The following SAMD8 variants were observed in gnomAD, a reference collection of about 807,000 sequenced individuals.
SAMD8 encodes sphingomyelin synthase-related protein 1.
In SAMD8, 20 loss-of-function variants were observed where a neutral mutation model predicts 42.0. The observed-to-expected ratio is 0.48, with a 90% confidence interval of 0.34 to 0.69. The LOEUF is 0.69. Among genes scored for constraint, SAMD8 ranks in the 30% least tolerant of loss-of-function variants. The pLI is 0.01. For synonymous variants in SAMD8, 162 were observed against 173.0 expected (o/e 0.94, Z 0.50); for missense variants, 328 against 511.6 (o/e 0.64, Z 3.46).
upstream of SAMD8, chr10:75,111,361 C>T (rs1589926742): frequency 3.9e-6 from 2 of 515,976 alleles, no homozygotes. Context: ...CGCATGCGCC[C>T]TCGGGCTCCT....
At chr10:75,103,948 G>A in intron 1 of SAMD8, 1 of 1,324,380 alleles carries the variant, frequency 7.6e-7, no homozygotes, top group Non-Finnish European at 1.0e-6. Context: ...GGAGGAGCCA[G>A]ATGGAGTAGC....
At chr10:75,164,340 A>G (rs181989022) in intron 2 of SAMD8, 2 of 168,612 alleles carry the variant, frequency 1.2e-5, no homozygotes, top group Non-Finnish European at 2.4e-5. Context: ...GTAGTCCTAT[A>G]TCCAGATCTG....
At chr10:75,142,454 T>A (rs975531852) in intron 1 of SAMD8, among the ~76,000 whole-genome samples, 2 of 152,164 alleles carry the variant, frequency 1.3e-5, no homozygotes, top group African/African-American at 4.8e-5. Context: ...TATCTTTTTT[T>A]TGAGACGAAG....
chr10:75,150,237 A>G (rs545386500), intron 1 of SAMD8: 9 of 156,478 alleles, frequency 5.8e-5, no homozygotes, highest in Admixed American at 6.6e-5. Context: ...TCAGCCTGCC[A>G]GGTAGCTGAG....
chr10:75,137,448 G>T (rs1839915292), intron 1 of SAMD8, among the ~76,000 whole-genome samples: 1 of 151,890 alleles, frequency 6.6e-6, no homozygotes, highest in African/African-American at 2.4e-5. Flanking sequence ...GCTGAGGCAG[G>T]AGAATTGCTT....
intron 1 of SAMD8, among the ~76,000 whole-genome samples, chr10:75,119,062 T>A (rs779976934): frequency 3.3e-5 from 5 of 152,260 alleles, no homozygotes; most frequent in Non-Finnish European, 5.9e-5. Flanking sequence ...CCTCAGTGTT[T>A]ATCTTGGGAT....
At chr10:75,160,448 C>T (rs547219339) in intron 2 of SAMD8, among the ~76,000 whole-genome samples, 25 of 152,026 alleles carry the variant, frequency 1.6e-4, no homozygotes, top group Non-Finnish European at 3.1e-4. Flanking sequence ...CCTTGTGATC[C>T]GCCCACCTTG....
chr10:75,101,958 G>C (rs553162038), intron 1 of SAMD8: 1 of 1,367,512 alleles, frequency 7.3e-7, no homozygotes, highest in African/African-American at 1.5e-5. Flanking sequence ...ACTTGATGCT[G>C]TTTCTATTTT....
chr10:75,168,552 T>A lies in SAMD8; in HGVS notation c.686T>A (p.Leu229Gln), dbSNP rs1840748638. 2.5e-6 allele frequency: 4 copies of A among 1,613,554 alleles called. No homozygotes were observed. Among genetic ancestry groups the A allele is most frequent in the Non-Finnish European group, 2.5e-6 (3 of 1,179,514 alleles). ...LLLHKHRSIL[L>Q]RRLCSLMGTV... ...TTGATCTGTTACAGGTCAATACTTC[T>A]GCGAAGGCTCTGTAGTCTGATGGGA... Residue 229 changes from leucine to glutamine, a missense_variant, in exon 4 of 6, where the codon CTG becomes CAG. Around this residue, in one of 2 missense-constraint regions of SAMD8, gnomAD observed 178 missense variants for 325.6 expected, o/e 0.55. Transcript: ENST00000542569.
intron 4 of SAMD8, 49 bp downstream of exon 4, chr10:75,168,707 A>G: frequency 8.6e-7 from 1 of 1,156,660 alleles, no homozygotes; most frequent in East Asian, 2.3e-5. Flanking sequence ...GGTTGATGGC[A>G]CACTATATGC....
Position 75,176,856 on chromosome 10 carries a change from C to T in SAMD8, c.*164C>T, listed in dbSNP as rs560480691. 7 of 590,984 alleles carry T rather than the reference C, an allele frequency of 1.2e-5. No homozygotes were observed. Among genetic ancestry groups the T allele is most frequent in the African/African-American group, 7.4e-5 (4 of 53,838 alleles). 36.6% of individuals were successfully genotyped at this position (590,984 alleles called of 1,614,324 possible). A position where few individuals can be genotyped will look rare whatever the true frequency, so the allele number is the denominator to read the frequency against. On this transcript the variant is annotated 3_prime_UTR_variant, in exon 6 of 6. Transcript: ENST00000542569. This position sits in a 1 kb window ranked among gnomAD's most constrained non-coding sequence, Gnocchi z 4.3. ...TATGATTATAAAAAGCAAGAAAGAA[C>T]AATCAAGAGTCCTTATGTAGCTATT... is the stretch of plus-strand genomic sequence containing the variant.
At chr10:75,122,352 C>T (rs1849023817) in intron 1 of SAMD8, among the ~76,000 whole-genome samples, 1 of 152,090 alleles carries the variant, frequency 6.6e-6, no homozygotes, top group African/African-American at 2.4e-5. Flanking sequence ...TGGCTCACGC[C>T]TGTAATCTCA....
intron 1 of SAMD8, among the ~76,000 whole-genome samples, chr10:75,113,410 A>G (rs2134412781): frequency 6.7e-6 from 1 of 149,380 alleles, no homozygotes; most frequent in East Asian, 2.0e-4. Flanking sequence ...TTTGAGACAG[A>G]GATTCGCTGT....
intron 1 of SAMD8, chr10:75,105,997 C>G (rs776780402): frequency 5.1e-6 from 4 of 786,146 alleles, no homozygotes; most frequent in African/African-American, 3.5e-5. Context: ...AGTCACTCAG[C>G]CTTTATGGAC....
intron 2 of SAMD8, among the ~76,000 whole-genome samples, chr10:75,157,758 A>G (rs1840447304): frequency 6.6e-6 from 1 of 152,198 alleles, no homozygotes; most frequent in South Asian, 2.1e-4. Context: ...GGTATGGAAT[A>G]GGTGGAGAAC....
chr10:75,160,874 C>T (rs958718844), intron 2 of SAMD8, among the ~76,000 whole-genome samples: 1 of 152,088 alleles, frequency 6.6e-6, no homozygotes, highest in Non-Finnish European at 1.5e-5. Context: ...TCTTCTTAAG[C>T]CTGGGCAACA....
rs568890143 is a variant in SAMD8, at chr10:75,153,266, G to A, written c.578+2160G>A. On this transcript the variant is annotated intron_variant, in intron 2 of 5. Coordinates refer to ENST00000542569, the MANE Select transcript of SAMD8 (RefSeq NM_001174156.2). ...CAAAGTGCTGGGATTACAAGCATGA[G>A]CCACTGCGCTTGGCCCCTTGTTTGT... Among the ~76,000 whole-genome samples, 602 of 152,162 alleles carry A rather than the reference G, an allele frequency of 4.0e-3. 2 individuals carry two copies. The highest frequency in any genetic ancestry group is 0.01 in the Middle Eastern group (3 of 294).
intron 1 of SAMD8, among the ~76,000 whole-genome samples, chr10:75,120,640 T>C (rs1368465081): frequency 6.6e-6 from 1 of 152,198 alleles, no homozygotes; most frequent in Non-Finnish European, 1.5e-5. Context: ...TTAAATTTTA[T>C]GTTAAGTCGT....
intron 1 of SAMD8, among the ~76,000 whole-genome samples, chr10:75,134,025 G>A (rs920738170): frequency 6.6e-6 from 1 of 152,162 alleles, no homozygotes; most frequent in Non-Finnish European, 1.5e-5. Context: ...GTGCTGCAGT[G>A]AACATACGTG....
Sources: gnomAD v4.1 joint callset for allele counts (sites outside exome capture counted in the v4.1 genomes callset) on GRCh38, gnomAD v4.1.1 for gene constraint, gnomAD v4.1.1 regional missense constraint, Gnocchi (gnomAD v3.1) non-coding constraint, MANE v1.5 for transcripts, NCBI Gene and HGNC (gene_info 2026-07-23, HGNC 2026-07-21) for gene names.